The following ATP2B1 variants were observed in gnomAD, a reference collection of about 807,000 sequenced individuals.
ATP2B1 encodes the protein ATPase plasma membrane Ca2+ transporting 1, also known as plasma membrane calcium-transporting ATPase 1.
Under a neutral mutation model 124.2 loss-of-function variants are expected in ATP2B1, and 14 were observed. That is an observed-to-expected ratio of 0.11 (90% CI 0.07 to 0.18). The LOEUF (loss-of-function observed/expected upper bound fraction) is 0.18, where lower values mean the gene tolerates loss of function less well. Among genes scored for constraint, ATP2B1 ranks in the 10% least tolerant of loss-of-function variants. ATP2B1 has a pLI of 1.00. For synonymous variants in ATP2B1, 449 were observed against 492.4 expected (o/e 0.91, Z 1.17); for missense variants, 763 against 1,466.1 (o/e 0.52, Z 7.83).
chr12:89,644,443 C>T (rs1179336205), intron 2 of ATP2B1, among the ~76,000 whole-genome samples: 1 of 149,098 alleles, frequency 6.7e-6, no homozygotes, highest in Non-Finnish European at 1.5e-5. Context: ...AAGGATTCAA[C>T]AAGATTCAAA....
rs200204036 is a variant in ATP2B1 at position 89,648,457 on chromosome 12, G to GT, written c.209-6103dup. 7.0e-3 allele frequency among the ~76,000 whole-genome samples: 1,065 copies of GT among 152,274 alleles called. 11 individuals are homozygous for GT. Among genetic ancestry groups the GT allele is most frequent in the Non-Finnish European group, 0.01 (686 of 68,026 alleles). ...TTGAACTTAAGAGTAATGACCTAGG[G>GT]TATCTAGCACAAGACGGTTCTCAGC... On this transcript the variant is annotated intron_variant, in intron 2 of 20. Coordinates refer to ENST00000428670, the MANE Select transcript of ATP2B1 (RefSeq NM_001366521.1).
chr12:89,678,007 CACACACACACATAT>C (rs1888883434), intron 1 of ATP2B1, among the ~76,000 whole-genome samples: 2 of 138,100 alleles, frequency 1.4e-5, no homozygotes, highest in African/African-American at 2.7e-5. Context: ...CACACACACA[CACACACACACATAT>C]ACAGAATGGA....
intron 12 of ATP2B1, among the ~76,000 whole-genome samples, chr12:89,612,693 C>T (rs1163120733): frequency 6.6e-6 from 1 of 152,216 alleles, no homozygotes; most frequent in Non-Finnish European, 1.5e-5. Flanking sequence ...TCTAACTTAT[C>T]TGGAGCTTTC....
rs1183767166 is a variant in ATP2B1, at chr12:89,590,139, A to C, written c.*845T>G. The C allele has an allele frequency of 1.3e-5, 2 of 152,594 alleles. No individual in the cohort carries two copies. Among genetic ancestry groups the C allele is most frequent in the African/African-American group, 2.4e-5 (1 of 41,452 alleles). 9.5% of individuals were successfully genotyped at this position (152,594 alleles called of 1,614,324 possible). On this transcript the variant is annotated 3_prime_UTR_variant, in exon 21 of 21. Transcript: ENST00000428670. ...CATTAAACAATCTACTAAATTCTGA[A>C]CAAAAGGTTATTAGCAAGTTTTCAA...
At chr12:89,623,946 A>T (rs1024640185) in intron 9 of ATP2B1, among the ~76,000 whole-genome samples, 3 of 152,218 alleles carry the variant, frequency 2.0e-5, no homozygotes, top group African/African-American at 7.2e-5. Flanking sequence ...TTTGCCCAGC[A>T]GAGTCGTGCT....
chr12:89,685,181 ATAAG>A (rs1269529094), intron 1 of ATP2B1, among the ~76,000 whole-genome samples: 4 of 136,418 alleles, frequency 2.9e-5, no homozygotes, highest in Non-Finnish European at 6.3e-5. Context: ...AAATGAGGTG[ATAAG>A]TAGTCTGGGA....
intron 1 of ATP2B1, among the ~76,000 whole-genome samples, chr12:89,661,172 T>C (rs966012605): frequency 6.6e-6 from 1 of 152,190 alleles, no homozygotes; most frequent in Non-Finnish European, 1.5e-5. Flanking sequence ...CATAAATTAA[T>C]ATCAACTTTG....
At chr12:89,620,313 C>A (rs2136078398) in intron 10 of ATP2B1, 73 bp from the exon 11 acceptor site, 1 of 1,484,932 alleles carries the variant, frequency 6.7e-7, no homozygotes, top group South Asian at 1.3e-5. Context: ...GTAAAACAGA[C>A]TGCGATATTC....
chr12:89,590,852 C>T lies in ATP2B1; in HGVS notation c.*132G>A. ...TTTTTTTTTTAAAAAAATAAATCTA[C>T]ATTCGTACAAGTGTGTCTTCTGTTG... On this transcript the variant is annotated 3_prime_UTR_variant, in exon 21 of 21. Coordinates refer to ENST00000428670, the MANE Select transcript of ATP2B1 (RefSeq NM_001366521.1). 1 of 897,126 alleles carries T rather than the reference C, an allele frequency of 1.1e-6. No individual in the cohort carries two copies. Among genetic ancestry groups the T allele is most frequent in the Non-Finnish European group, 1.6e-6 (1 of 607,994 alleles). 55.6% of individuals were successfully genotyped at this position (897,126 alleles called of 1,614,324 possible).
intron 1 of ATP2B1, among the ~76,000 whole-genome samples, chr12:89,687,338 A>G (rs1202613017): frequency 6.6e-6 from 1 of 152,168 alleles, no homozygotes; most frequent in East Asian, 1.9e-4. Flanking sequence ...CCTAGAAGCA[A>G]TAGGCTATGC....
intron 1 of ATP2B1, among the ~76,000 whole-genome samples, chr12:89,685,339 C>T (rs1889841862): frequency 6.6e-6 from 1 of 152,150 alleles, no homozygotes; most frequent in South Asian, 2.1e-4. Flanking sequence ...ATCAATGTTT[C>T]ACCAACATGT....
chr12:89,621,453 A>G (rs1879949351), intron 10 of ATP2B1, 96 bp downstream of exon 10: 1 of 984,728 alleles, frequency 1.0e-6, no homozygotes, highest in Non-Finnish European at 1.4e-6. Context: ...TTAACAGTTC[A>G]GTTTACATAC....
At chr12:89,703,797 A>G (rs556980820) in intron 1 of ATP2B1, among the ~76,000 whole-genome samples, 5 of 152,268 alleles carry the variant, frequency 3.3e-5, no homozygotes, top group Admixed American at 3.3e-4. Flanking sequence ...GACATCAACA[A>G]ATCAAACTTT....
At chr12:89,616,500 AAAT>A (rs1001310622) in intron 12 of ATP2B1, among the ~76,000 whole-genome samples, 136 of 152,302 alleles carry the variant, frequency 8.9e-4, no homozygotes, top group African/African-American at 2.9e-3. Context: ...CTGTGAAAAC[AAAT>A]AATGGCACCT....
At chr12:89,677,716 TAGAC>T (rs1354248484) in intron 1 of ATP2B1, among the ~76,000 whole-genome samples, 6 of 151,964 alleles carry the variant, frequency 3.9e-5, no homozygotes, top group Non-Finnish European at 7.4e-5. Context: ...TTCTTCTTCT[TAGAC>T]AGTATCATAA....
At chr12:89,692,673 T>C (rs535654052) in intron 1 of ATP2B1, among the ~76,000 whole-genome samples, 38 of 152,320 alleles carry the variant, frequency 2.5e-4, no homozygotes, top group African/African-American at 9.1e-4. Context: ...GAACTTCGTG[T>C]GGTAGGAGGT....
intron 11 of ATP2B1, 148 bp from the exon 12 acceptor site, chr12:89,617,187 C>T (rs1879103717): frequency 1.5e-6 from 1 of 651,000 alleles, no homozygotes; most frequent in Non-Finnish European, 2.6e-6. Context: ...GACTTAAATT[C>T]ACTTTTCACC....
Position 89,690,014 on chromosome 12 carries a change from T to G in ATP2B1, c.-222+18582A>C, listed in dbSNP as rs781069024. On this transcript the variant is annotated intron_variant, in intron 1 of 20. Transcript: ENST00000428670. Reference sequence around the variant, plus strand: ...ACTTTTCTATAGTTTAGGCATAAAATGTGCAGAAACCCCAGTTATGAACTT... The same window carrying G: ...ACTTTTCTATAGTTTAGGCATAAAAGGTGCAGAAACCCCAGTTATGAACTT... 3.2e-4 allele frequency among the ~76,000 whole-genome samples: 48 copies of G among 152,196 alleles called. No homozygotes were observed. In the Middle Eastern group the frequency reaches 0.01, roughly 32 times the overall value.
intron 2 of ATP2B1, 84 bp downstream of exon 2, chr12:89,655,595 A>G (rs753430189): frequency 9.2e-6 from 12 of 1,306,542 alleles, no homozygotes. Flanking sequence ...ACAATCGCCA[A>G]GATAATATAA....
Sources: gnomAD v4.1 joint callset for allele counts (sites outside exome capture counted in the v4.1 genomes callset) on GRCh38, gnomAD v4.1.1 for gene constraint, MANE v1.5 for transcripts, NCBI Gene and HGNC (gene_info 2026-07-23, HGNC 2026-07-21) for gene names.